Variants in PIEZO2 observed in about 807,000 individuals in gnomAD.
PIEZO2 encodes piezo type mechanosensitive ion channel component 2, also known as piezo-type mechanosensitive ion channel component 2.
In PIEZO2, 172 loss-of-function variants were observed where a neutral mutation model predicts 337.3. The ratio of observed to expected loss-of-function variants is 0.51; its 90% CI spans 0.45 to 0.58. The LOEUF (loss-of-function observed/expected upper bound fraction) is 0.58. Ranked by LOEUF, PIEZO2 falls within the 20% of genes least tolerant of loss-of-function variation. The probability of loss-of-function intolerance (pLI) is 0.00; values close to 1 mark genes in which losing one functional copy is unlikely to be tolerated. For synonymous variants in PIEZO2, 1,251 were observed against 1,228.5 expected (o/e 1.02, Z -0.38); for missense variants, 3,028 against 3,391.3 (o/e 0.89, Z 2.66).
intron 2 of PIEZO2, among the ~76,000 whole-genome samples, chr18:11,022,301 A>T (rs2036340455): frequency 6.6e-6 from 1 of 152,228 alleles, no homozygotes; most frequent in Admixed American, 6.5e-5. Context: ...TCTGAGAAAA[A>T]AAAAGTGAAC....
chr18:11,011,389 G>GT (rs2035895553), intron 2 of PIEZO2, among the ~76,000 whole-genome samples: 1 of 152,094 alleles, frequency 6.6e-6, no homozygotes, highest in Non-Finnish European at 1.5e-5. Flanking sequence ...TGCCGTGTTT[G>GT]ACTTTTATCT....
chr18:10,990,029 T>C (rs1052816995), intron 2 of PIEZO2, among the ~76,000 whole-genome samples: 1 of 151,954 alleles, frequency 6.6e-6, no homozygotes, highest in African/African-American at 2.4e-5. Context: ...GAGCAGGGAA[T>C]TGGAGATATA....
intron 3 of PIEZO2, among the ~76,000 whole-genome samples, chr18:10,918,860 T>A (rs2031197603): frequency 6.6e-6 from 1 of 152,034 alleles, no homozygotes; most frequent in African/African-American, 2.4e-5. Flanking sequence ...AATATGTAAA[T>A]TTATATCTAC....
chr18:10,798,117 C>T (rs2039676175), intron 11 of PIEZO2, among the ~76,000 whole-genome samples: 1 of 152,174 alleles, frequency 6.6e-6, no homozygotes, highest in Non-Finnish European at 1.5e-5. Flanking sequence ...GCAGATTCTC[C>T]CCCTCTCCGA....
At position 11,126,119 on chromosome 18, in the gene PIEZO2, G is replaced by A. The variant is rs1425486930; in HGVS notation, c.64+22406C>T. ...CGGGCAGTTCTGTCCATGCCCACCA[G>A]AGGCCTGCAGCACAGGTAGCTGAGC... On this transcript the variant is annotated intron_variant, in intron 1 of 55. Coordinates refer to ENST00000674853, the MANE Select transcript of PIEZO2 (RefSeq NM_001378183.1). This position sits in a 1 kb window ranked among gnomAD's most constrained non-coding sequence, Gnocchi z 4.6. Among the ~76,000 whole-genome samples, 1 of 152,190 alleles carries A rather than the reference G, an allele frequency of 6.6e-6. No homozygotes were observed. Among genetic ancestry groups the A allele is most frequent in the Non-Finnish European group, 1.5e-5 (1 of 68,044 alleles).
intron 1 of PIEZO2, among the ~76,000 whole-genome samples, chr18:11,133,885 C>T (rs1245707513): frequency 6.6e-6 from 1 of 151,112 alleles, no homozygotes; most frequent in Non-Finnish European, 1.5e-5. Context: ...TATATATATA[C>T]ATATACACAC....
At chr18:10,883,467 TA>T (rs2042481427) in intron 4 of PIEZO2, among the ~76,000 whole-genome samples, 1 of 152,150 alleles carries the variant, frequency 6.6e-6, no homozygotes, top group African/African-American at 2.4e-5. Flanking sequence ...AACTTACAAA[TA>T]AAAACTATAG....
rs1260861371 is a variant in PIEZO2, at chr18:10,853,107, GGAAGAGCACTTCAAGTGAGC to G, written c.917+2226_917+2245del. On this transcript the variant is annotated intron_variant, in intron 7 of 55. Coordinates refer to ENST00000674853, the MANE Select transcript of PIEZO2 (RefSeq NM_001378183.1). This position sits in a 1 kb window ranked among gnomAD's most constrained non-coding sequence, Gnocchi z 4.2. ...TGACCTTGTAGGAGCATTCGGTGAG[GGAAGAGCACTTCAAGTGAGC>G]GAAGAGCACTTCAAGTGAGCATGCG... is the stretch of plus-strand genomic sequence containing the variant. 1.3e-5 allele frequency among the ~76,000 whole-genome samples: 2 copies of G among 152,172 alleles called. No individual in the cohort carries two copies. The highest frequency in any genetic ancestry group is 1.9e-4 in the East Asian group (1 of 5,186).
Position 10,716,935 on chromosome 18 carries a change from T to C in PIEZO2, c.5090-1119A>G, listed in dbSNP as rs1298368657. On this transcript the variant is annotated intron_variant, in intron 37 of 55. Transcript: ENST00000674853. This position sits in a 1 kb window ranked among gnomAD's most constrained non-coding sequence, Gnocchi z 4.1. ...GATTGTAAGGCTGCAGCCACCGCAC[T>C]GGAGACGTGAATCACAGGCGCTTTG... is the stretch of plus-strand genomic sequence containing the variant. 6.6e-6 allele frequency among the ~76,000 whole-genome samples: 1 copy of C among 152,186 alleles called. No homozygotes were observed. Among genetic ancestry groups the C allele is most frequent in the Non-Finnish European group, 1.5e-5 (1 of 68,042 alleles).
intron 10 of PIEZO2, among the ~76,000 whole-genome samples, chr18:10,800,904 T>C (rs1404028593): frequency 2.0e-5 from 3 of 152,268 alleles, no homozygotes; most frequent in Admixed American, 2.0e-4. Context: ...GTCCTGCCTA[T>C]GCCCTATGTG....
At chr18:10,956,301 A>T (rs931749283) in intron 3 of PIEZO2, among the ~76,000 whole-genome samples, 1 of 152,234 alleles carries the variant, frequency 6.6e-6, no homozygotes, top group Non-Finnish European at 1.5e-5. Context: ...TAGTATCAAA[A>T]AATACTTAGG....
At chr18:11,043,301 G>A (rs2037188603) in intron 2 of PIEZO2, among the ~76,000 whole-genome samples, 1 of 151,490 alleles carries the variant, frequency 6.6e-6, no homozygotes, top group Admixed American at 6.6e-5. Context: ...TGATTATTAG[G>A]GTTACCAGAT....
intron 4 of PIEZO2, among the ~76,000 whole-genome samples, chr18:10,900,409 T>C (rs1377964905): frequency 6.6e-6 from 1 of 152,226 alleles, no homozygotes; most frequent in Admixed American, 6.5e-5. Flanking sequence ...ACTTTTCTCG[T>C]TGTGTGGGAG....
chr18:10,729,578 C>A (rs372962976), intron 36 of PIEZO2, among the ~76,000 whole-genome samples: 5 of 149,358 alleles, frequency 3.3e-5, no homozygotes, highest in African/African-American at 1.2e-4. Context: ...GAGCCGAGAT[C>A]ACCCCACTGC....
At chr18:10,686,882 A>G (rs1400680143) in intron 49 of PIEZO2, among the ~76,000 whole-genome samples, 1 of 152,174 alleles carries the variant, frequency 6.6e-6, no homozygotes, top group Non-Finnish European at 1.5e-5. Flanking sequence ...ATGGATGGCA[A>G]AAGATCCACT....
Position 10,770,304 on chromosome 18 carries a change from T to C in PIEZO2, c.2790A>G (p.Leu930=), listed in dbSNP as rs2038544624. 2 of 1,536,316 alleles carry C rather than the reference T, an allele frequency of 1.3e-6. No homozygotes were observed. The highest frequency in any genetic ancestry group is 2.7e-5 in the African/African-American group (2 of 72,976). The change falls in exon 21 of 56, where the codon TTA becomes TTG. Residue 930 remains leucine, a synonymous_variant. Transcript: ENST00000674853. ...ESEEEEETSD[L]RNKWHLVIDR... ...CAATCACCAGGTGCCATTTGTTCCT[T>C]AAGTCTGCAAAATAGGAAGTACAGA...
rs2036013141 is a variant in PIEZO2 at position 10,716,415 on chromosome 18, T to A, written c.5090-599A>T. Among the ~76,000 whole-genome samples the A allele has an allele frequency of 6.6e-6, 1 of 152,230 alleles. No individual in the cohort carries two copies. Among genetic ancestry groups the A allele is most frequent in the Non-Finnish European group, 1.5e-5 (1 of 68,046 alleles). On this transcript the variant is annotated intron_variant, in intron 37 of 55. Transcript: ENST00000674853. This position sits in a 1 kb window ranked among gnomAD's most constrained non-coding sequence, Gnocchi z 4.1. ...AATATGTGTATATAGTGACATCTGA[T>A]GTTCTGTGTGACAATTTCCCACCTG...
At position 11,033,411 on chromosome 18, in the gene PIEZO2, T is replaced by G. The variant is rs1186197553; in HGVS notation, c.160+32716A>C. ...AGGCAGACACGCCCCTGGATTTGTG[T>G]GAACATTCTATCTGTCATGGATTTG... is the stretch of plus-strand genomic sequence containing the variant. On this transcript the variant is annotated intron_variant, in intron 2 of 55. Transcript: ENST00000674853. This position sits in a 1 kb window ranked among gnomAD's most constrained non-coding sequence, Gnocchi z 4.2. Among the ~76,000 whole-genome samples, 1 of 152,254 alleles carries G rather than the reference T, an allele frequency of 6.6e-6. No homozygotes were observed. Among genetic ancestry groups the G allele is most frequent in the Non-Finnish European group, 1.5e-5 (1 of 68,048 alleles).
At position 11,111,040 on chromosome 18, in the gene PIEZO2, C is replaced by T. The variant is rs1248776387; in HGVS notation, c.64+37485G>A. ...CTTCAGTGCAGCTGCAAATGGACGT[C>T]CGGGCAGACAGGGCAGAGGACAGAC... On this transcript the variant is annotated intron_variant, in intron 1 of 55. Coordinates refer to ENST00000674853, the MANE Select transcript of PIEZO2 (RefSeq NM_001378183.1). The surrounding 1 kb of genome is among the most constrained non-coding windows in gnomAD (Gnocchi z 6.2). Among the ~76,000 whole-genome samples the T allele has an allele frequency of 6.6e-6, 1 of 152,136 alleles. No individual in the cohort carries two copies. Among genetic ancestry groups the T allele is most frequent in the African/African-American group, 2.4e-5 (1 of 41,432 alleles).
Sources: gnomAD v4.1 joint callset for allele counts (sites outside exome capture counted in the v4.1 genomes callset) on GRCh38, gnomAD v4.1.1 for gene constraint, Gnocchi (gnomAD v3.1) non-coding constraint, MANE v1.5 for transcripts, NCBI Gene and HGNC (gene_info 2026-07-23, HGNC 2026-07-21) for gene names.